PRSS2: variants seen among roughly 807,000 people sequenced by gnomAD.
The protein encoded by PRSS2 is serine protease 2.
In PRSS2, 19 loss-of-function variants were observed where a neutral mutation model predicts 19.2. The ratio of observed to expected loss-of-function variants is 0.99; its 90% CI spans 0.69 to 1.45. The LOEUF is 1.45. PRSS2 is among the 40% of genes most tolerant of loss of function. PRSS2 has a pLI of 0.00. For missense variants in PRSS2, 288 were observed against 294.4 expected, an observed-to-expected ratio of 0.98 and a Z score of 0.16; for synonymous variants, 107 against 117.5, an observed-to-expected ratio of 0.91 and a Z score of 0.58.
At position 142,773,342 on chromosome 7, in the gene PRSS2, A is replaced by T. The variant is rs1436052879; in HGVS notation, c.277A>T (p.Ile93Phe). ...GNEQFINAAKIIRHPKYNSRT... is the reference protein window; with the variant it reads ...GNEQFINAAKFIRHPKYNSRT... ...TGAACAGTTCATCAATGCGGCCAAG[A>T]TCATCCGCCACCCCAAATACAACAG... The change falls in exon 3 of 5, where the codon ATC (isoleucine) becomes TTC (phenylalanine). Residue 93 changes from isoleucine to phenylalanine, a missense_variant. Transcript: ENST00000539842. 16 of 1,614,202 alleles carry T rather than the reference A, an allele frequency of 9.9e-6. No homozygotes were observed. Among genetic ancestry groups the T allele is most frequent in the Middle Eastern group, 1.6e-4 (1 of 6,062 alleles).
chr7:142,771,196 T>A (rs1033624158), intron 1 of PRSS2, among the ~76,000 whole-genome samples, 174 bp downstream of exon 1: 6 of 152,090 alleles, frequency 3.9e-5, no homozygotes, highest in Non-Finnish European at 8.8e-5. Flanking sequence ...TGTTCCACCT[T>A]CTCCTTGATT....
rs1800286273 is a variant in PRSS2 at position 142,774,512 on chromosome 7, C to T, written c.*4C>T. The T allele has an allele frequency of 6.2e-7, 1 of 1,608,966 alleles. No individual in the cohort carries two copies. Among genetic ancestry groups the T allele is most frequent in the African/African-American group, 1.3e-5 (1 of 74,994 alleles). ...CACCATAGCTGCCAACAGCTAAAGC[C>T]CCTGGTCCCTCTGCAGTCTCTATAC... On this transcript the variant is annotated 3_prime_UTR_variant, in exon 5 of 5. Coordinates refer to ENST00000539842, the MANE Select transcript of PRSS2 (RefSeq NM_002770.4).
intron 1 of PRSS2, 55 bp downstream of exon 1, chr7:142,771,077 G>T (rs1454049081): frequency 5.4e-6 from 3 of 555,840 alleles, no homozygotes; most frequent in Admixed American, 2.5e-5. Context: ...GCAGACACAT[G>T]CCCTGCCATT....
chr7:142,772,548 G>C, intron 2 of PRSS2: 1 of 681,902 alleles, frequency 1.5e-6, no homozygotes, highest in Non-Finnish European at 2.7e-6. Flanking sequence ...ACTGATCCCT[G>C]TGTTCTATCC....
intron 2 of PRSS2, 110 bp downstream of exon 2, chr7:142,772,318 G>A (rs1056118464): frequency 2.2e-5 from 32 of 1,446,484 alleles, no homozygotes; most frequent in Middle Eastern, 1.8e-4. Context: ...AGAGATGGTG[G>A]AAAAGAAAAC....
chr7:142,774,055 G>A lies in PRSS2; in HGVS notation c.591G>A (p.Gln197=). 1.9e-6 allele frequency: 3 copies of A among 1,591,606 alleles called. No homozygotes were observed. In the South Asian group the frequency reaches 3.3e-5, roughly 18 times the overall value. ...TCGAGGGAGGCAAGGATTCCTGCCA[G>A]GTGATTTGACCCCTTCCCATGCTGA... ...GFLEGGKDSC[Q]GDSGGPVVSN... Residue 197 remains glutamine, a splice_region_variant and synonymous_variant, in exon 4 of 5, where the codon CAG becomes CAA. Transcript: ENST00000539842.
rs929937455 is a variant in PRSS2 at position 142,774,127 on chromosome 7, C to G, written c.591+72C>G. On this transcript the variant is annotated intron_variant, in intron 4 of 4. Transcript: ENST00000539842. ...CCCACCAGGGAAAATGATTTGAACT[C>G]CCAAGGTGGCGGGGCTGAGGAGGCT... The G allele has an allele frequency of 3.0e-5, 45 of 1,511,462 alleles. No homozygotes were observed. In the African/African-American group the frequency reaches 5.8e-4, roughly 19 times the overall value. 93.6% of individuals were successfully genotyped at this position (1,511,462 alleles called of 1,614,324 possible).
In PRSS2 at chr7:142,772,055, C is replaced by G. The variant is rs377017470; in HGVS notation, c.47C>G (p.Ala16Gly). The G allele has an allele frequency of 2.5e-6, 4 of 1,582,126 alleles. No individual in the cohort carries two copies. Among genetic ancestry groups the G allele is most frequent in the Non-Finnish European group, 3.4e-6 (4 of 1,159,686 alleles). Reference protein sequence around the residue: ...ILTFVAAAVAAPFDDDDKIVG... With the variant: ...ILTFVAAAVAGPFDDDDKIVG... ...CTTCCCATCTCCACTCCAGTTGCTG[C>G]CCCCTTTGATGATGATGACAAGATC... Residue 16 changes from alanine (A) to glycine (G), a missense_variant, in exon 2 of 5, where the codon GCC becomes GGC. Coordinates refer to ENST00000539842, the MANE Select transcript of PRSS2 (RefSeq NM_002770.4).
At position 142,773,596 on chromosome 7, in the gene PRSS2, C is replaced by T. The variant is rs1017695079; in HGVS notation, c.454+77C>T. 29 of 1,432,370 alleles carry T rather than the reference C, an allele frequency of 2.0e-5. No individual in the cohort carries two copies. In the African/African-American group the frequency reaches 3.4e-4, roughly 17 times the overall value. The allele number at this position is 1,432,370 out of a possible 1,614,324, so 88.7% of individuals were successfully genotyped here. On this transcript the variant is annotated intron_variant, in intron 3 of 4. Transcript: ENST00000539842. ...ACAAACCATGCCCCTTAACTTAAATCCTCTCGCCTCCAGGCTTAAGACACA... is the reference window on the plus strand; with the variant it reads ...ACAAACCATGCCCCTTAACTTAAATTCTCTCGCCTCCAGGCTTAAGACACA...
Position 142,774,539 on chromosome 7 carries a change from A to G in PRSS2, c.*31A>G. ...CTGGTCCCTCTGCAGTCTCTATACC[A>G]ATAAAGTGACCCTGCTCTCACTGTC... On this transcript the variant is annotated 3_prime_UTR_variant, in exon 5 of 5. Transcript: ENST00000539842. 2 of 1,594,354 alleles carry G rather than the reference A, an allele frequency of 1.3e-6. No homozygotes were observed. The highest frequency in any genetic ancestry group is 1.7e-6 in the Non-Finnish European group (2 of 1,162,634).
chr7:142,773,131 A>G, intron 2 of PRSS2, 135 bp from the exon 3 acceptor site: 4 of 1,513,636 alleles, frequency 2.6e-6, no homozygotes, highest in Non-Finnish European at 3.6e-6. Flanking sequence ...TCTCCTGCCC[A>G]TGCAATATGG....
rs1437055159 is a variant in PRSS2, at chr7:142,772,706, C to T, written c.200+498C>T. On this transcript the variant is annotated intron_variant, in intron 2 of 4. Coordinates refer to ENST00000539842, the MANE Select transcript of PRSS2 (RefSeq NM_002770.4). ...TCTTAAACCTGAGTATGCATCAGAA[C>T]TCCCTGCAGGCTTGTTAAGGCACAA... 16 of 424,892 alleles carry T rather than the reference C, an allele frequency of 3.8e-5. No individual in the cohort carries two copies. In the East Asian group the frequency reaches 4.6e-4, roughly 12 times the overall value. The allele number at this position is 424,892 out of a possible 1,614,324, so 26.3% of individuals were successfully genotyped here. A position where few individuals can be genotyped will look rare whatever the true frequency, so the allele number is the denominator to read the frequency against.
In PRSS2 at chr7:142,772,693, G is replaced by T. The variant is rs887408506; in HGVS notation, c.200+485G>T. 3,932 of 572,782 alleles carry T rather than the reference G, an allele frequency of 6.9e-3. 4 individuals are homozygous for T. The highest frequency in any genetic ancestry group is 0.011 in the Non-Finnish European group (3,430 of 326,504). The allele number at this position is 572,782 out of a possible 1,614,324, so 35.5% of individuals were successfully genotyped here. ...CTACACCAAGAACTCTTAAACCTGA[G>T]TATGCATCAGAACTCCCTGCAGGCT... On this transcript the variant is annotated intron_variant, in intron 2 of 4. Transcript: ENST00000539842.
chr7:142,772,164 C>T lies in PRSS2; in HGVS notation c.156C>T (p.Leu52=), dbSNP rs760340053. 46 of 1,613,742 alleles carry T rather than the reference C, an allele frequency of 2.9e-5. No individual in the cohort carries two copies. In the South Asian group the frequency reaches 3.0e-4, roughly 10 times the overall value. ...GCTACCACTTCTGCGGTGGCTCCCT[C>T]ATCAGCGAACAGTGGGTGGTGTCAG... is the stretch of plus-strand genomic sequence containing the variant. ...NSGYHFCGGS[L]ISEQWVVSAG... Residue 52 remains leucine, a synonymous_variant, in exon 2 of 5, where the codon CTC becomes CTT. Coordinates refer to ENST00000539842, the MANE Select transcript of PRSS2 (RefSeq NM_002770.4).
chr7:142,774,079 G>C (rs757360088), intron 4 of PRSS2, 24 bp downstream of exon 4: 1 of 1,578,146 alleles, frequency 6.3e-7, no homozygotes, highest in Admixed American at 1.7e-5. Flanking sequence ...TTCCCATGCT[G>C]AGGCTCCCAC....
intron 4 of PRSS2, 83 bp from the exon 5 acceptor site, chr7:142,774,273 G>T (rs1173802595): frequency 3.8e-6 from 4 of 1,056,620 alleles, no homozygotes; most frequent in Non-Finnish European, 6.0e-6. Flanking sequence ...GGCTGGAAAG[G>T]GCTCTTTTAA....
At chr7:142,772,975 T>C (rs916087919) in intron 2 of PRSS2, among the ~76,000 whole-genome samples, 5 of 148,930 alleles carry the variant, frequency 3.4e-5, no homozygotes, top group Non-Finnish European at 6.0e-5. Context: ...ACAGTGCTAG[T>C]GACATGGAGA....
rs371888080 is a variant in PRSS2, at chr7:142,772,071, T to A, written c.63T>A (p.Asp21Glu). ...CAGTTGCTGCCCCCTTTGATGATGA[T>A]GACAAGATCGTTGGGGGCTACATCT... Reference protein sequence around the residue: ...AAAVAAPFDDDDKIVGGYICE... With the variant: ...AAAVAAPFDDEDKIVGGYICE... Residue 21 changes from aspartate (D) to glutamate (E), a missense_variant, in exon 2 of 5, where the codon GAT (aspartate) becomes GAA (glutamate). By Grantham distance (45) the Asp-to-Glu change is conservative. Transcript: ENST00000539842. The A allele has an allele frequency of 3.7e-6, 6 of 1,613,736 alleles. No individual in the cohort carries two copies. Among genetic ancestry groups the A allele is most frequent in the East Asian group, 2.2e-5 (1 of 44,894 alleles).
At chr7:142,771,731 G>A (rs1208621262) in intron 1 of PRSS2, among the ~76,000 whole-genome samples, 1 of 152,072 alleles carries the variant, frequency 6.6e-6, no homozygotes, top group Non-Finnish European at 1.5e-5. Flanking sequence ...ATAAAAGAGA[G>A]AAGACTTCAG....
Sources: allele counts gnomAD v4.1 joint callset (sites outside exome capture counted in the v4.1 genomes callset), GRCh38; gene constraint gnomAD v4.1.1; transcripts MANE v1.5; gene names NCBI Gene and HGNC (gene_info 2026-07-23, HGNC 2026-07-21).